The following APBA1 variants were observed in gnomAD, a reference collection of about 807,000 sequenced individuals.
The protein encoded by APBA1 is amyloid-beta A4 precursor protein-binding family A member 1.
A neutral mutation model predicts 86.6 loss-of-function variants in APBA1; 55 were observed. That is an observed-to-expected ratio of 0.64 (90% CI 0.51 to 0.80). The LOEUF (loss-of-function observed/expected upper bound fraction) is 0.80. Among genes scored for constraint, APBA1 ranks in the 30% least tolerant of loss-of-function variants. The pLI is 0.00. For missense variants in APBA1, 1,090 were observed against 1,183.0 expected (o/e 0.92, Z 1.15); for synonymous variants, 511 against 493.9 (o/e 1.03, Z -0.46).
intron 1 of APBA1, among the ~76,000 whole-genome samples, chr9:69,611,374 C>T (rs774425523): frequency 1.4e-5 from 2 of 147,964 alleles, no homozygotes; most frequent in Non-Finnish European, 3.0e-5. Context: ...ACCAGATCAA[C>T]AAACAAAATA....
chr9:69,483,537 AC>A (rs1201285009), intron 2 of APBA1, among the ~76,000 whole-genome samples: 1 of 152,140 alleles, frequency 6.6e-6, no homozygotes, highest in Non-Finnish European at 1.5e-5. Flanking sequence ...AAACAAACAA[AC>A]AAAAAAATCT....
At chr9:69,671,787 AT>A (rs1823953676) in intron 1 of APBA1, among the ~76,000 whole-genome samples, 1 of 151,932 alleles carries the variant, frequency 6.6e-6, no homozygotes, top group African/African-American at 2.4e-5. Context: ...ATTCCTGGAA[AT>A]GTCACCCCCC....
intron 2 of APBA1, among the ~76,000 whole-genome samples, chr9:69,505,835 T>C (rs902356403): frequency 6.6e-6 from 1 of 151,866 alleles, no homozygotes; most frequent in Non-Finnish European, 1.5e-5. Flanking sequence ...CTGGCCAATA[T>C]GGCAAAACCC....
chr9:69,601,178 A>C (rs945156445), intron 1 of APBA1, among the ~76,000 whole-genome samples: 15 of 152,256 alleles, frequency 9.9e-5, no homozygotes, highest in Non-Finnish European at 1.9e-4. Context: ...AGTTTCAAAC[A>C]CAAGAAGTTA....
intron 2 of APBA1, among the ~76,000 whole-genome samples, chr9:69,481,610 G>GA (rs149482949): frequency 0.74 from 103,016 of 139,912 alleles, 36,324 homozygotes; most frequent in Admixed American, 0.78. Context: ...CACAGAATTG[G>GA]AAAAAACTAC....
intron 1 of APBA1, among the ~76,000 whole-genome samples, chr9:69,667,139 C>A (rs534610642): frequency 6.6e-6 from 1 of 152,264 alleles, no homozygotes; most frequent in East Asian, 1.9e-4. Context: ...TAGCTCAGAT[C>A]TCTGAGAGAG....
At chr9:69,566,529 A>G (rs1173002066) in intron 1 of APBA1, among the ~76,000 whole-genome samples, 1 of 152,206 alleles carries the variant, frequency 6.6e-6, no homozygotes, top group Non-Finnish European at 1.5e-5. Context: ...TCTTACAAAT[A>G]TAAATCTGAT....
intron 5 of APBA1, among the ~76,000 whole-genome samples, chr9:69,459,707 C>T (rs539128453): frequency 3.4e-4 from 52 of 152,350 alleles, no homozygotes; most frequent in African/African-American, 1.2e-3. Flanking sequence ...CACTTACTAG[C>T]TGTGCAACTT....
chr9:69,612,537 ATTATG>A (rs1316751400), intron 1 of APBA1, among the ~76,000 whole-genome samples: 1 of 152,064 alleles, frequency 6.6e-6, no homozygotes. Context: ...AAACATAAAA[ATTATG>A]TTATAGGAAA....
In APBA1 at chr9:69,541,283, C is replaced by T. The variant is rs142268364; in HGVS notation, c.-69-24004G>A. On this transcript the variant is annotated intron_variant, in intron 1 of 12. Coordinates refer to ENST00000265381, the MANE Select transcript of APBA1 (RefSeq NM_001163.4). ...CCCCCATTCTGTTTTCTATATCAGCCGAACCATTTCACATTCCCACCAATA... is the reference window on the plus strand; with the variant it reads ...CCCCCATTCTGTTTTCTATATCAGCTGAACCATTTCACATTCCCACCAATA... Among the ~76,000 whole-genome samples the T allele has an allele frequency of 3.6e-3, 488 of 133,752 alleles. 4 individuals carry two copies. Among genetic ancestry groups the T allele is most frequent in the African/African-American group, 0.012 (443 of 36,748 alleles). The allele number at this position is 133,752 out of a possible 152,430, so 87.7% of individuals were successfully genotyped here.
rs759510758 is a variant in APBA1 at position 69,644,018 on chromosome 9, C to T, written c.-70+28135G>A. ...GGGCTTGTTCCCTCACTTCATCAGG[C>T]CTTGGTTCAAATGGCCAGGCCTTCC... On this transcript the variant is annotated intron_variant, in intron 1 of 12. Coordinates refer to ENST00000265381, the MANE Select transcript of APBA1 (RefSeq NM_001163.4). Among the ~76,000 whole-genome samples the T allele has an allele frequency of 5.3e-5, 8 of 152,202 alleles. No individual in the cohort carries two copies. In the South Asian group the frequency reaches 1.7e-3, roughly 32 times the overall value.
intron 1 of APBA1, among the ~76,000 whole-genome samples, chr9:69,649,318 A>G (rs529735012): frequency 1.3e-5 from 2 of 152,152 alleles, no homozygotes; most frequent in Non-Finnish European, 2.9e-5. Context: ...TTATTCTCAG[A>G]ATAAAGAACA....
At chr9:69,568,448 C>A (rs1251284423) in intron 1 of APBA1, among the ~76,000 whole-genome samples, 1 of 152,278 alleles carries the variant, frequency 6.6e-6, no homozygotes, top group South Asian at 2.1e-4. Flanking sequence ...TTAATTACTA[C>A]AAAAATACAG....
At position 69,449,722 on chromosome 9, in the gene APBA1, G is replaced by A. The variant is rs1461348873; in HGVS notation, c.2043C>T (p.Pro681=). ...IVESGWGSIL[P]TVIIANMMHG... Reference sequence around the variant, plus strand: ...GCATCATGTTGGCAATGATCACGGTGGGGAGGATGGATCCCCAGCCAGACT... The same window carrying A: ...GCATCATGTTGGCAATGATCACGGTAGGGAGGATGGATCCCCAGCCAGACT... Residue 681 remains proline, a synonymous_variant, in exon 10 of 13, where the codon CCC becomes CCT. Coordinates refer to ENST00000265381, the MANE Select transcript of APBA1 (RefSeq NM_001163.4). The A allele has an allele frequency of 6.2e-7, 1 of 1,614,066 alleles. No individual in the cohort carries two copies. The highest frequency in any genetic ancestry group is 1.7e-5 in the Admixed American group (1 of 60,020).
At chr9:69,474,903 C>T (rs1011813752) in intron 3 of APBA1, among the ~76,000 whole-genome samples, 5 of 152,138 alleles carry the variant, frequency 3.3e-5, no homozygotes, top group Non-Finnish European at 4.4e-5. Flanking sequence ...ATTTCTTTTT[C>T]ATTGCATTTA....
At position 69,485,153 on chromosome 9, in the gene APBA1, T is replaced by C. The variant is rs545362775; in HGVS notation, c.1201-9010A>G. 2.6e-5 allele frequency among the ~76,000 whole-genome samples: 4 copies of C among 152,068 alleles called. No individual in the cohort carries two copies. The South Asian group carries it at 8.3e-4, about 32-fold the overall frequency. On this transcript the variant is annotated intron_variant, in intron 2 of 12. Transcript: ENST00000265381. Reference sequence around the variant, plus strand: ...TTGAATTCGAGAAATAGTCTTTGCCTTTGATGACTGTCACCTGGGCTCCAA... The same window carrying C: ...TTGAATTCGAGAAATAGTCTTTGCCCTTGATGACTGTCACCTGGGCTCCAA...
At chr9:69,612,533 A>G (rs1039427819) in intron 1 of APBA1, among the ~76,000 whole-genome samples, 2 of 152,058 alleles carry the variant, frequency 1.3e-5, no homozygotes, top group Non-Finnish European at 2.9e-5. Flanking sequence ...TATTAAACAT[A>G]AAAATTATGT....
At chr9:69,611,795 A>G (rs1259186063) in intron 1 of APBA1, among the ~76,000 whole-genome samples, 1 of 152,200 alleles carries the variant, frequency 6.6e-6, no homozygotes, top group African/African-American at 2.4e-5. Flanking sequence ...TCTACATGGT[A>G]AAACCTGGCA....
chr9:69,626,153 A>C (rs1822923562), intron 1 of APBA1, among the ~76,000 whole-genome samples: 1 of 152,192 alleles, frequency 6.6e-6, no homozygotes, highest in Admixed American at 6.5e-5. Flanking sequence ...TCACAAGCTT[A>C]TAAGGTCAGT....
Sources: gnomAD v4.1 joint callset for allele counts (sites outside exome capture counted in the v4.1 genomes callset) on GRCh38, gnomAD v4.1.1 for gene constraint, MANE v1.5 for transcripts, NCBI Gene and HGNC (gene_info 2026-07-23, HGNC 2026-07-21) for gene names.